LINGO2: variants seen among roughly 807,000 people sequenced by gnomAD.
The protein encoded by LINGO2 is leucine-rich repeat and immunoglobulin-like domain-containing nogo receptor-interacting protein 2.
A neutral mutation model predicts 30.6 loss-of-function variants in LINGO2; 14 were observed. The ratio of observed to expected loss-of-function variants is 0.46; its 90% CI spans 0.30 to 0.72. LINGO2 has a LOEUF of 0.72. Among genes scored for constraint, LINGO2 ranks in the 30% least tolerant of loss-of-function variants. The pLI, the probability that LINGO2 is intolerant of heterozygous loss-of-function variation, is 0.07. For synonymous variants in LINGO2, 317 were observed against 288.5 expected, an observed-to-expected ratio of 1.10 and a Z score of -1.00; for missense variants, 729 against 751.7, an observed-to-expected ratio of 0.97 and a Z score of 0.35.
At chr9:28,972,832 T>A in the LINGO2 span, among the ~76,000 whole-genome samples, 2 of 152,142 alleles carry the variant, frequency 1.3e-5, no homozygotes, top group South Asian at 4.2e-4. Context: ...AACCATCAGA[T>A]CTTGTGAGAC....
intron 1 of LINGO2, among the ~76,000 whole-genome samples, chr9:28,617,648 T>C (rs1365941713): frequency 6.6e-6 from 1 of 152,156 alleles, no homozygotes; most frequent in East Asian, 1.9e-4. Flanking sequence ...AGAGACTACT[T>C]ACATATGTTC....
chr9:28,390,320 G>A (rs1477185077), intron 2 of LINGO2, among the ~76,000 whole-genome samples: 2 of 152,090 alleles, frequency 1.3e-5, no homozygotes, highest in Non-Finnish European at 2.9e-5. Context: ...AAATAATAAA[G>A]GAAGAACCTT....
the LINGO2 span, among the ~76,000 whole-genome samples, chr9:28,755,348 C>A: frequency 6.6e-6 from 1 of 152,044 alleles, no homozygotes; most frequent in African/African-American, 2.4e-5. Flanking sequence ...AGCTCTGCGG[C>A]CTTGAGCAAA....
chr9:28,197,108 A>G (rs1820041615), intron 4 of LINGO2, among the ~76,000 whole-genome samples: 1 of 152,016 alleles, frequency 6.6e-6, no homozygotes, highest in Non-Finnish European at 1.5e-5. Context: ...AATTTCTTCC[A>G]ATTACCCTGA....
chr9:28,650,101 C>T (rs1828027690), intron 1 of LINGO2, among the ~76,000 whole-genome samples: 1 of 150,902 alleles, frequency 6.6e-6, no homozygotes, highest in Non-Finnish European at 1.5e-5. Context: ...AAGTGACTCA[C>T]TGAACAGGCA....
chr9:28,525,466 G>A (rs1036965186), intron 1 of LINGO2, among the ~76,000 whole-genome samples: 1 of 152,086 alleles, frequency 6.6e-6, no homozygotes, highest in Non-Finnish European at 1.5e-5. Context: ...CCTATATAAT[G>A]GAATATTATG....
the LINGO2 span, among the ~76,000 whole-genome samples, chr9:29,188,163 C>T: frequency 4.6e-5 from 7 of 151,094 alleles, no homozygotes; most frequent in Non-Finnish European, 8.9e-5. Flanking sequence ...GAGGACCCTG[C>T]GGCCTTCCGC....
the LINGO2 span, among the ~76,000 whole-genome samples, chr9:28,728,327 C>A: frequency 5.3e-5 from 8 of 150,392 alleles, no homozygotes; most frequent in Non-Finnish European, 1.0e-4. Context: ...GTAAATAAAT[C>A]CAAAATTTAA....
At chr9:28,453,996 A>T (rs537550281) in intron 2 of LINGO2, among the ~76,000 whole-genome samples, 1 of 152,164 alleles carries the variant, frequency 6.6e-6, no homozygotes, top group Non-Finnish European at 1.5e-5. Context: ...TGAAATGAGA[A>T]GTCCGAAAGA....
chr9:29,019,689 G>A, the LINGO2 span, among the ~76,000 whole-genome samples: 24 of 152,130 alleles, frequency 1.6e-4, no homozygotes, highest in Non-Finnish European at 3.4e-4. Flanking sequence ...ACCATAATAG[G>A]TGTTTGGGAA....
chr9:28,695,307 A>G, the LINGO2 span, among the ~76,000 whole-genome samples: 1 of 152,002 alleles, frequency 6.6e-6, no homozygotes, highest in Admixed American at 6.6e-5. Context: ...TTTAATTGAT[A>G]TATAAATATT....
chr9:28,553,075 T>C (rs1020437812), intron 1 of LINGO2, among the ~76,000 whole-genome samples: 38 of 151,940 alleles, frequency 2.5e-4, no homozygotes, highest in African/African-American at 8.9e-4. Flanking sequence ...GGGATTCTGC[T>C]ATAAAAGCAG....
chr9:28,377,888 C>T (rs1172120878), intron 2 of LINGO2, among the ~76,000 whole-genome samples: 2 of 152,062 alleles, frequency 1.3e-5, no homozygotes, highest in African/African-American at 4.8e-5. Context: ...TTACTTCAGG[C>T]AGTATTTACA....
intron 4 of LINGO2, among the ~76,000 whole-genome samples, chr9:28,240,772 G>A (rs369583999): frequency 3.3e-5 from 5 of 152,176 alleles, no homozygotes; most frequent in South Asian, 2.1e-4. Flanking sequence ...CATAAGCAAC[G>A]AAAGAAAACA....
At chr9:28,942,188 A>C in the LINGO2 span, among the ~76,000 whole-genome samples, 2 of 152,212 alleles carry the variant, frequency 1.3e-5, no homozygotes, top group African/African-American at 4.8e-5. Flanking sequence ...CATAATTGGA[A>C]TATCATTTGG....
At chr9:27,949,437 A>G in exon 6 of LINGO2, 1 of 1,613,882 alleles carries the variant, frequency 6.2e-7, no homozygotes, top group Non-Finnish European at 8.5e-7. Flanking sequence ...CTTTTCACGG[A>G]TTTTGGGTTT....
chr9:28,974,617 T>C, the LINGO2 span, among the ~76,000 whole-genome samples: 1 of 152,098 alleles, frequency 6.6e-6, no homozygotes, highest in African/African-American at 2.4e-5. Flanking sequence ...AAATATACAA[T>C]GAATCCATAA....
the LINGO2 span, among the ~76,000 whole-genome samples, chr9:28,914,137 A>G: frequency 6.6e-6 from 1 of 152,198 alleles, no homozygotes; most frequent in East Asian, 1.9e-4. Context: ...GCAGAAACCC[A>G]TTAGCTACAA....
the LINGO2 span, among the ~76,000 whole-genome samples, chr9:28,699,933 A>G: frequency 1.3e-5 from 2 of 152,120 alleles, no homozygotes; most frequent in South Asian, 4.1e-4. Flanking sequence ...CTGTTAAGAT[A>G]TTTATCAAGA....
Sources: allele counts gnomAD v4.1 joint callset (sites outside exome capture counted in the v4.1 genomes callset), GRCh38; gene constraint gnomAD v4.1.1; transcripts MANE v1.5; gene names NCBI Gene and HGNC (gene_info 2026-07-23, HGNC 2026-07-21).